Variants in RACGAP1 observed in about 807,000 individuals in gnomAD.
RACGAP1 encodes rac GTPase-activating protein 1.
In RACGAP1, 30 loss-of-function variants were observed where a neutral mutation model predicts 78.1. The ratio of observed to expected loss-of-function variants is 0.38; its 90% CI spans 0.29 to 0.52. The LOEUF (loss-of-function observed/expected upper bound fraction) is 0.52, where lower values mean the gene tolerates loss of function less well. RACGAP1 is among the 20% of genes least tolerant of loss of function. The pLI is 0.82. For missense variants in RACGAP1, 587 were observed against 777.1 expected (o/e 0.76, Z 2.91); for synonymous variants, 231 against 264.8 (o/e 0.87, Z 1.24).
intron 15 of RACGAP1, among the ~76,000 whole-genome samples, chr12:49,991,315 T>C (rs1947820974): frequency 6.6e-6 from 1 of 151,470 alleles, no homozygotes. Flanking sequence ...ATATTGACTA[T>C]AGCATTACTT....
At chr12:50,029,226 A>G (rs1950308644), upstream of RACGAP1, among the ~76,000 whole-genome samples, 1 of 150,870 alleles carries the variant, frequency 6.6e-6, no homozygotes, top group South Asian at 2.1e-4. Context: ...AAAAAAAAAA[A>G]AAAAAAAATT....
chr12:50,007,397 T>C lies in RACGAP1; in HGVS notation c.86-761A>G, dbSNP rs191811904. On this transcript the variant is annotated intron_variant, in intron 2 of 16. Transcript: ENST00000312377. Reference sequence around the variant, plus strand: ...ATAACCCTGTTGGCATTCATTCTTATCTCCTGCTATTGGCAAAGCTGTTCT... The same window carrying C: ...ATAACCCTGTTGGCATTCATTCTTACCTCCTGCTATTGGCAAAGCTGTTCT... 1.4e-3 allele frequency among the ~76,000 whole-genome samples: 216 copies of C among 152,322 alleles called. 1 individual carries two copies. The highest frequency in any genetic ancestry group is 2.3e-3 in the Non-Finnish European group (158 of 68,028).
chr12:50,018,693 A>G (rs1213909383), intron 1 of RACGAP1: 11 of 439,038 alleles, frequency 2.5e-5, no homozygotes, highest in Non-Finnish European at 4.0e-5. Context: ...AGACAGCTCA[A>G]TACCACGGCA....
chr12:50,001,769 A>C (rs1335746086), intron 6 of RACGAP1, among the ~76,000 whole-genome samples: 2 of 152,236 alleles, frequency 1.3e-5, no homozygotes, highest in East Asian at 1.9e-4. Context: ...TACTACTTCA[A>C]AGAGTACCAG....
rs761392592 is a variant in RACGAP1 at position 50,031,610 on chromosome 12, T to G, written c.-24+87A>C. 391 of 864,840 alleles carry G rather than the reference T, an allele frequency of 4.5e-4. 1 individual carries two copies. The highest frequency in any genetic ancestry group is 5.1e-4 in the Non-Finnish European group (364 of 720,212). The allele number at this position is 864,840 out of a possible 1,614,324, so 53.6% of individuals were successfully genotyped here. A position where few individuals can be genotyped will look rare whatever the true frequency, so the allele number is the denominator to read the frequency against. On this transcript the variant is annotated intron_variant, in intron 2 of 3. Transcript: ENST00000548247. Reference sequence around the variant, plus strand: ...CACGCACCTGGCTACCATTTCCACCTGGGGCCTTCAACCTTCCCTGTGCGC... The same window carrying G: ...CACGCACCTGGCTACCATTTCCACCGGGGGCCTTCAACCTTCCCTGTGCGC...
intron 2 of RACGAP1, among the ~76,000 whole-genome samples, chr12:50,008,333 G>A (rs1349548667): frequency 6.6e-6 from 1 of 151,446 alleles, no homozygotes; most frequent in African/African-American, 2.4e-5. Context: ...TGAGTAGCTG[G>A]GATTACAGGT....
At position 49,990,137 on chromosome 12, in the gene RACGAP1, C is replaced by T. The variant is rs1947734656; in HGVS notation, c.*131G>A. ...ATATAGTTTTAATAAAACCCTCATG[C>T]ACAATTAAACTTGAGTAAAAGCCTG... On this transcript the variant is annotated 3_prime_UTR_variant, in exon 17 of 17. Coordinates refer to ENST00000312377, the MANE Select transcript of RACGAP1 (RefSeq NM_001319999.2). The T allele has an allele frequency of 2.9e-6, 2 of 694,596 alleles. No homozygotes were observed. Among genetic ancestry groups the T allele is most frequent in the East Asian group, 2.5e-5 (1 of 39,544 alleles). The allele number at this position is 694,596 out of a possible 1,614,324, so 43.0% of individuals were successfully genotyped here. A position where few individuals can be genotyped will look rare whatever the true frequency, so the allele number is the denominator to read the frequency against.
intron 16 of RACGAP1, 80 bp downstream of exon 16, chr12:49,990,604 T>G (rs985255814): frequency 2.4e-5 from 28 of 1,180,506 alleles, no homozygotes; most frequent in Middle Eastern, 2.7e-4. Flanking sequence ...ATGCAATTTT[T>G]CTTTCAATAA....
At chr12:50,005,759 C>T (rs1948937529) in intron 3 of RACGAP1, among the ~76,000 whole-genome samples, 1 of 152,198 alleles carries the variant, frequency 6.6e-6, no homozygotes, top group Non-Finnish European at 1.5e-5. Context: ...AGCAGCCACC[C>T]ACCTCTCAAA....
At chr12:50,017,784 A>C (rs1434634503) in intron 1 of RACGAP1, among the ~76,000 whole-genome samples, 2 of 152,200 alleles carry the variant, frequency 1.3e-5, no homozygotes, top group African/African-American at 4.8e-5. Context: ...AGGGTTAGTG[A>C]TTTTGCAATG....
chr12:50,005,886 A>G lies in RACGAP1; in HGVS notation c.289-494T>C, dbSNP rs188768360. Among the ~76,000 whole-genome samples, 3 of 152,354 alleles carry G rather than the reference A, an allele frequency of 2.0e-5. No homozygotes were observed. In the East Asian group the frequency reaches 5.8e-4, roughly 29 times the overall value. On this transcript the variant is annotated intron_variant, in intron 3 of 16. Transcript: ENST00000312377. Reference sequence around the variant, plus strand: ...CCAAGATGGATTAGTCCCTCCCAGTAAAGGCTTTCCTTTGCATTATGACCC... The same window carrying G: ...CCAAGATGGATTAGTCCCTCCCAGTGAAGGCTTTCCTTTGCATTATGACCC...
At chr12:50,030,654 A>T (rs1950324170) in intron 2 of RACGAP1, among the ~76,000 whole-genome samples, 2 of 152,096 alleles carry the variant, frequency 1.3e-5, no homozygotes, top group African/African-American at 4.8e-5. Flanking sequence ...GCGCCACTGC[A>T]CTCCAGACTG....
In RACGAP1 at chr12:50,005,283, G is replaced by C. The variant is rs767427758; in HGVS notation, c.398C>G (p.Pro133Arg). ...TTTGTTCCCAGCATTGCTGCTGGAT[G>C]GTTGGCCTCTGTTGAGAAAAGCCAG... ...SALAFLNRGQ[P>R]SSSNAGNKRL... Residue 133 changes from proline to arginine, a missense_variant, in exon 4 of 17, where the codon CCA becomes CGA. Pro to Arg is a moderately radical substitution (Grantham distance 103, BLOSUM62 -2). Transcript: ENST00000312377. 3 of 1,614,224 alleles carry C rather than the reference G, an allele frequency of 1.9e-6. No homozygotes were observed. The highest frequency in any genetic ancestry group is 2.7e-5 in the African/African-American group (2 of 75,064).
rs1471970177 is a variant in RACGAP1, at chr12:50,016,699, A to T, written c.17T>A (p.Leu6Gln). The change falls in exon 2 of 17, where the codon CTG becomes CAG. Residue 6 changes from leucine to glutamine, a missense_variant. Coordinates refer to ENST00000312377, the MANE Select transcript of RACGAP1 (RefSeq NM_001319999.2). MDTMM[L>Q]NVRNLFEQLV... is the part of the protein sequence containing the mutation. ...CTGCTCAAACAGATTCCGCACATTC[A>T]GCATCATAGTATCCATCTTTCTGCC... 2 of 1,613,946 alleles carry T rather than the reference A, an allele frequency of 1.2e-6. No individual in the cohort carries two copies. The highest frequency in any genetic ancestry group is 2.2e-5 in the East Asian group (1 of 44,878).
At chr12:50,011,918 T>C (rs11836389) in intron 2 of RACGAP1, among the ~76,000 whole-genome samples, 23,763 of 137,214 alleles carry the variant, frequency 0.17, 3,261 homozygotes, top group African/African-American at 0.41. Flanking sequence ...CGTGCCACTG[T>C]ACTCCAGCCT....
intron 2 of RACGAP1, among the ~76,000 whole-genome samples, chr12:50,010,308 C>CT (rs969278124): frequency 6.8e-6 from 1 of 146,166 alleles, no homozygotes; most frequent in African/African-American, 2.7e-5. Context: ...ACTTAGCTCT[C>CT]TTTTTTTAAC....
At chr12:50,013,049 G>A (rs1209326051) in intron 2 of RACGAP1, among the ~76,000 whole-genome samples, 2 of 151,124 alleles carry the variant, frequency 1.3e-5, no homozygotes. Flanking sequence ...GGCAACAAGA[G>A]TGAAACTCTT....
rs1270826720 is a variant in RACGAP1 at position 49,990,009 on chromosome 12, T to A, written c.*259A>T. 1.3e-5 allele frequency: 5 copies of A among 391,638 alleles called. No homozygotes were observed. Among genetic ancestry groups the A allele is most frequent in the Non-Finnish European group, 2.3e-5 (5 of 217,746 alleles). The allele number at this position is 391,638 out of a possible 1,614,324, so 24.3% of individuals were successfully genotyped here. On this transcript the variant is annotated 3_prime_UTR_variant, in exon 17 of 17. Coordinates refer to ENST00000312377, the MANE Select transcript of RACGAP1 (RefSeq NM_001319999.2). Reference sequence around the variant, plus strand: ...AAAAGAATCACAACCAATTCCATACTAACCCTTCTACCCCTGGAAAGATGT... The same window carrying A: ...AAAAGAATCACAACCAATTCCATACAAACCCTTCTACCCCTGGAAAGATGT...
chr12:50,010,757 A>AC (rs1233172247), intron 2 of RACGAP1, among the ~76,000 whole-genome samples: 2 of 149,740 alleles, frequency 1.3e-5, no homozygotes, highest in Admixed American at 6.7e-5. Flanking sequence ...ATATGGAGAA[A>AC]CCCCACCTCT....
Sources: allele counts gnomAD v4.1 joint callset (sites outside exome capture counted in the v4.1 genomes callset), GRCh38; gene constraint gnomAD v4.1.1; transcripts MANE v1.5; gene names NCBI Gene and HGNC (gene_info 2026-07-23, HGNC 2026-07-21).